Variants in KRT12 observed in about 807,000 individuals in gnomAD.
KRT12 encodes the protein keratin, type I cytoskeletal 12.
In KRT12, 43 loss-of-function variants were observed where a neutral mutation model predicts 50.2. The ratio of observed to expected loss-of-function variants is 0.86; its 90% CI spans 0.67 to 1.11. The LOEUF (loss-of-function observed/expected upper bound fraction) is 1.11, where lower values mean the gene tolerates loss of function less well. Ranked by LOEUF, KRT12 falls within the 50% of genes least tolerant of loss-of-function variation. The pLI, the probability that KRT12 is intolerant of heterozygous loss-of-function variation, is 0.00. For missense variants in KRT12, 588 were observed against 625.6 expected (o/e 0.94, Z 0.64); for synonymous variants, 257 against 253.6 (o/e 1.01, Z -0.13).
chr17:40,863,086 C>A lies in KRT12; in HGVS notation c.1316+37G>T. ...ATTTCTGCTGCCCACTCTTGGTCAG[C>A]CCCTGAAGGTGTTTACAGCCTCCGT... On this transcript the variant is annotated intron_variant, in intron 6 of 7. Transcript: ENST00000251643. The surrounding 1 kb of genome is among the most constrained non-coding windows in gnomAD (Gnocchi z 4.2). The A allele has an allele frequency of 1.3e-6, 2 of 1,572,220 alleles. No homozygotes were observed. The highest frequency in any genetic ancestry group is 3.3e-4 in the Middle Eastern group (2 of 5,984).
intron 2 of KRT12, among the ~76,000 whole-genome samples, chr17:40,865,710 C>G (rs1222440518): frequency 6.6e-6 from 1 of 152,056 alleles, no homozygotes; most frequent in Non-Finnish European, 1.5e-5. Flanking sequence ...CGCCTGTAAT[C>G]CCAGCTACTC....
In KRT12 at chr17:40,863,360, A is replaced by G; in HGVS notation, c.1096-17T>C. The G allele has an allele frequency of 6.2e-7, 1 of 1,613,642 alleles. No individual in the cohort carries two copies. The highest frequency in any genetic ancestry group is 8.5e-7 in the Non-Finnish European group (1 of 1,179,730). On this transcript the variant is annotated splice_polypyrimidine_tract_variant and intron_variant, in intron 5 of 7. Transcript: ENST00000251643. This position sits in a 1 kb window ranked among gnomAD's most constrained non-coding sequence, Gnocchi z 4.2. Reference sequence around the variant, plus strand: ...GGATTTCTTCTGCACGTGGGAGGGAAATGGCATAGAAATAACGATGGAGGG... The same window carrying G: ...GGATTTCTTCTGCACGTGGGAGGGAGATGGCATAGAAATAACGATGGAGGG...
At chr17:40,861,877 C>CT (rs1468307360) in intron 7 of KRT12, 119 bp from the exon 8 acceptor site, 6 of 727,156 alleles carry the variant, frequency 8.3e-6, no homozygotes, top group Non-Finnish European at 1.5e-5. Context: ...TCTAATTAAA[C>CT]TTTCAAAAGT....
chr17:40,863,837 GGCC>G lies in KRT12; in HGVS notation c.832_834del (p.Gly278del). ...TCCATTTCTACGCTGACCTCGCCTGGGCCGCCCACCCGGAAGCTTTGGAGCTCC... is the reference window on the plus strand; with the variant it reads ...TCCATTTCTACGCTGACCTCGCCTGGGCCCACCCGGAAGCTTTGGAGCTCC... On this transcript the variant is annotated inframe_deletion, in exon 4 of 8. Transcript: ENST00000251643. The surrounding 1 kb of genome is among the most constrained non-coding windows in gnomAD (Gnocchi z 4.2). 6.2e-7 allele frequency: 1 copy of G among 1,608,666 alleles called. No individual in the cohort carries two copies. The highest frequency in any genetic ancestry group is 8.5e-7 in the Non-Finnish European group (1 of 1,177,996).
rs1433191683 is a variant in KRT12 at position 40,867,163 on chromosome 17, C to G, written c.24G>C (p.Met8Ile). 1 of 1,608,068 alleles carries G rather than the reference C, an allele frequency of 6.2e-7. No homozygotes were observed. Among genetic ancestry groups the G allele is most frequent in the Non-Finnish European group, 8.5e-7 (1 of 1,180,010 alleles). The change falls in exon 1 of 8, where the codon ATG becomes ATC. Residue 8 changes from methionine (M) to isoleucine (I), a missense_variant. Physicochemically the swap from Met to Ile is conservative, Grantham distance 10. Transcript: ENST00000251643. Reference sequence around the variant, plus strand: ...GTCCGGGGGTGCGCACTGAGAGTGACATGGTGTTGTTGGAGAGATCCATGG... The same window carrying G: ...GTCCGGGGGTGCGCACTGAGAGTGAGATGGTGTTGTTGGAGAGATCCATGG... MDLSNNT[M>I]SLSVRTPGLS...
chr17:40,861,830 G>A, intron 7 of KRT12, 72 bp from the exon 8 acceptor site: 2 of 970,692 alleles, frequency 2.1e-6, no homozygotes, highest in East Asian at 2.4e-5. Context: ...GTTGTTTAAT[G>A]TAGGCTTCTA....
At chr17:40,862,715 T>A in intron 6 of KRT12, 80 bp from the exon 7 acceptor site, 1 of 1,047,204 alleles carries the variant, frequency 9.5e-7, no homozygotes, top group Admixed American at 1.7e-5. Context: ...AGAAATTAGA[T>A]TTCCCAATTT....
At position 40,861,485 on chromosome 17, in the gene KRT12, C is replaced by G; in HGVS notation, c.*176G>C. 1 of 621,556 alleles carries G rather than the reference C, an allele frequency of 1.6e-6. No homozygotes were observed. Among genetic ancestry groups the G allele is most frequent in the Non-Finnish European group, 2.9e-6 (1 of 345,772 alleles). 38.5% of individuals were successfully genotyped at this position (621,556 alleles called of 1,614,324 possible). On this transcript the variant is annotated 3_prime_UTR_variant, in exon 8 of 8. Transcript: ENST00000251643. Reference sequence around the variant, plus strand: ...CCAACATGACCAAAATGACTTGTGACTGAATATTGTTTCAGAAGGGCAAAA... The same window carrying G: ...CCAACATGACCAAAATGACTTGTGAGTGAATATTGTTTCAGAAGGGCAAAA...
intron 2 of KRT12, among the ~76,000 whole-genome samples, chr17:40,865,809 CAG>C (rs1481051063): frequency 6.6e-6 from 1 of 152,036 alleles, no homozygotes; most frequent in African/African-American, 2.4e-5. Flanking sequence ...GCCTGGGTGA[CAG>C]AGCGAGACTC....
chr17:40,864,555 A>G (rs1906936146), intron 3 of KRT12, among the ~76,000 whole-genome samples: 1 of 152,148 alleles, frequency 6.6e-6, no homozygotes, highest in African/African-American at 2.4e-5. Context: ...AATGAAAATG[A>G]CAAAATCAGA....
rs373922617 is a variant in KRT12 at position 40,863,311 on chromosome 17, G to C, written c.1128C>G (p.Ala376=). Residue 376 remains alanine (A), a synonymous_variant, in exon 6 of 8, where the codon GCC becomes GCG. Coordinates refer to ENST00000251643, the MANE Select transcript of KRT12 (RefSeq NM_000223.4). The surrounding 1 kb of genome is among the most constrained non-coding windows in gnomAD (Gnocchi z 4.2). ...ACAGCTGCGCGCAGTAATCGCCCTC[G>C]GCTTCGGCCAAGGAGTCCTCCAGGG... ...KKSLEDSLAE[A]EGDYCAQLSQ... is the part of the protein sequence containing the mutation. 6.2e-7 allele frequency: 1 copy of C among 1,613,942 alleles called. No individual in the cohort carries two copies. The highest frequency in any genetic ancestry group is 8.5e-7 in the Non-Finnish European group (1 of 1,179,988).
In KRT12 at chr17:40,862,644, A is replaced by G. The variant is rs1318430441; in HGVS notation, c.1317-9T>C. On this transcript the variant is annotated splice_polypyrimidine_tract_variant and intron_variant, in intron 6 of 7. Transcript: ENST00000251643. ...TTTCCTCCAAACCATCACTGTAAGA[A>G]AACAAAGGAGATGACCTCAAAAAGT... 1.2e-6 allele frequency: 2 copies of G among 1,606,284 alleles called. No individual in the cohort carries two copies. Among genetic ancestry groups the G allele is most frequent in the Admixed American group, 3.3e-5 (2 of 60,018 alleles).
At position 40,864,837 on chromosome 17, in the gene KRT12, T is replaced by G. The variant is rs775459942; in HGVS notation, c.776A>C (p.Glu259Ala). 1.9e-6 allele frequency: 3 copies of G among 1,614,052 alleles called. No individual in the cohort carries two copies. The South Asian group carries it at 3.3e-5, about 18-fold the overall frequency. The change falls in exon 3 of 8, where the codon GAG becomes GCG. Residue 259 changes from glutamate (E) to alanine (A), a missense_variant. Glu to Ala is a moderately radical substitution (Grantham distance 107). Transcript: ENST00000251643. ...LEMQIESLNEELAYMKKNHED... is the reference protein window; with the variant it reads ...LEMQIESLNEALAYMKKNHED... The stretch of plus-strand genomic sequence containing the variant: ...GTGGTTCTTCTTCATGTAGGCCAGC[T>G]CCTCGTTCAGGCTCTCGATCTGCAT...
At position 40,862,140 on chromosome 17, in the gene KRT12, C is replaced by A. The variant is rs934107077; in HGVS notation, c.1388-382G>T. Among the ~76,000 whole-genome samples, 10 of 152,192 alleles carry A rather than the reference C, an allele frequency of 6.6e-5. No homozygotes were observed. In the South Asian group the frequency reaches 2.1e-3, roughly 32 times the overall value. On this transcript the variant is annotated intron_variant, in intron 7 of 7. Transcript: ENST00000251643. The stretch of plus-strand genomic sequence containing the variant: ...TAGGAATGCAGTGGCATGATCATAG[C>A]TCACTATAACCTCTAACTCCCGGGC...
In KRT12 at chr17:40,861,639, A is replaced by G. The variant is rs112986245; in HGVS notation, c.*22T>C. ...ATTTCTTGTTCCTAAGGAACCAATCATGGGGCAGATCTTGTGAAATTTTAC... is the reference window on the plus strand; with the variant it reads ...ATTTCTTGTTCCTAAGGAACCAATCGTGGGGCAGATCTTGTGAAATTTTAC... On this transcript the variant is annotated 3_prime_UTR_variant, in exon 8 of 8. Coordinates refer to ENST00000251643, the MANE Select transcript of KRT12 (RefSeq NM_000223.4). 2 of 1,446,434 alleles carry G rather than the reference A, an allele frequency of 1.4e-6. No individual in the cohort carries two copies. Among genetic ancestry groups the G allele is most frequent in the Non-Finnish European group, 1.9e-6 (2 of 1,026,910 alleles). 89.6% of individuals were successfully genotyped at this position (1,446,434 alleles called of 1,614,324 possible). A position where few individuals can be genotyped will look rare whatever the true frequency, so the allele number is the denominator to read the frequency against.
At chr17:40,864,762 A>AC in intron 3 of KRT12, 44 bp downstream of exon 3, 1 of 1,392,452 alleles carries the variant, frequency 7.2e-7, no homozygotes, top group Non-Finnish European at 9.8e-7. Context: ...TGGGTCTGGG[A>AC]GAAAAAAAAA....
At chr17:40,866,080 A>G (rs561341774) in intron 2 of KRT12, 75 bp downstream of exon 2, 2 of 1,124,522 alleles carry the variant, frequency 1.8e-6, no homozygotes, top group East Asian at 4.7e-5. Flanking sequence ...AGAAGATTTT[A>G]TATCAATGAA....
chr17:40,861,712 C>T lies in KRT12; in HGVS notation c.1434G>A (p.Val478=), dbSNP rs868374942. 2 of 1,613,984 alleles carry T rather than the reference C, an allele frequency of 1.2e-6. No individual in the cohort carries two copies. The highest frequency in any genetic ancestry group is 1.7e-6 in the Non-Finnish European group (2 of 1,179,856). ...RKIKTVVQEM[V]NGEVVSSQVQ... is the part of the protein sequence containing the mutation. ...CTTGAGATGAGACCACCTCACCATTCACCATCTCCTGCACAACTGTCTTGA... is the reference window on the plus strand; with the variant it reads ...CTTGAGATGAGACCACCTCACCATTTACCATCTCCTGCACAACTGTCTTGA... Residue 478 remains valine (V), a synonymous_variant, in exon 8 of 8, where the codon GTG becomes GTA. Transcript: ENST00000251643.
Position 40,865,124 on chromosome 17 carries a change from T to G in KRT12, c.651-162A>C, listed in dbSNP as rs141848631. On this transcript the variant is annotated intron_variant, in intron 2 of 7. Coordinates refer to ENST00000251643, the MANE Select transcript of KRT12 (RefSeq NM_000223.4). ...TGCTGTTGTGTTTTTCCTTTCCTTT[T>G]TTCCCACCATTGTTTACTGTTCAGT... Among the ~76,000 whole-genome samples the G allele has an allele frequency of 2.5e-3, 374 of 152,364 alleles. 3 individuals carry two copies. Among genetic ancestry groups the G allele is most frequent in the African/African-American group, 8.3e-3 (345 of 41,582 alleles).
Sources: gnomAD v4.1 joint callset for allele counts (sites outside exome capture counted in the v4.1 genomes callset) on GRCh38, gnomAD v4.1.1 for gene constraint, Gnocchi (gnomAD v3.1) non-coding constraint, MANE v1.5 for transcripts, NCBI Gene and HGNC (gene_info 2026-07-23, HGNC 2026-07-21) for gene names.